Variants in PRKAR1A observed in about 807,000 individuals in gnomAD.
PRKAR1A encodes the protein protein kinase cAMP-dependent type I regulatory subunit alpha.
A neutral mutation model predicts 52.0 loss-of-function variants in PRKAR1A; 3 were observed. The observed-to-expected ratio is 0.06, with a 90% CI of 0.03 to 0.15. PRKAR1A has a LOEUF of 0.15. PRKAR1A is among the 10% of genes least tolerant of loss of function. PRKAR1A has a pLI of 1.00. For synonymous variants in PRKAR1A, 188 were observed against 168.4 expected, an observed-to-expected ratio of 1.12 and a Z score of -0.90; for missense variants, 240 against 477.4, an observed-to-expected ratio of 0.50 and a Z score of 4.63.
At chr17:68,497,036 C>G in the PRKAR1A span, among the ~76,000 whole-genome samples, 1 of 151,948 alleles carries the variant, frequency 6.6e-6, no homozygotes, top group African/African-American at 2.4e-5. Flanking sequence ...GCTGCTCAGG[C>G]TGGTCTCGAA....
At chr17:68,511,900 C>T (rs1339227725), upstream of PRKAR1A, 1 of 152,192 alleles carries the variant, frequency 6.6e-6, no homozygotes, top group African/African-American at 2.4e-5. Flanking sequence ...CGGCCCGGGG[C>T]CCTCCCTTGC....
Position 68,543,711 on chromosome 17 carries a change from C to T in PRKAR1A, c.974-7373C>T, listed in dbSNP as rs757451639. On this transcript the variant is annotated intron_variant, in intron 11 of 11. Coordinates refer to the PRKAR1A transcript ENST00000585981. ...AAGAAGTCCACTGGTGTCTCCTCAT[C>T]TCGCTGCTGTCTGGAAGGAAGGAAG... is the stretch of plus-strand genomic sequence containing the variant. 3 of 1,614,064 alleles carry T rather than the reference C, an allele frequency of 1.9e-6. 1 individual carries two copies. The highest frequency in any genetic ancestry group is 2.2e-5 in the East Asian group (1 of 44,886).
chr17:68,445,720 A>G, the PRKAR1A span, among the ~76,000 whole-genome samples: 2 of 152,246 alleles, frequency 1.3e-5, no homozygotes, highest in African/African-American at 4.8e-5. Context: ...AATATAACGC[A>G]TAGCCCAGTA....
chr17:68,499,062 G>A, the PRKAR1A span, among the ~76,000 whole-genome samples: 1 of 152,194 alleles, frequency 6.6e-6, no homozygotes, highest in East Asian at 1.9e-4. Context: ...TGCTGTGAGG[G>A]TAGGGTGTGG....
In PRKAR1A at chr17:68,530,710, C is replaced by CCTGG. The variant is rs2085952004; in HGVS notation, c.*262_*265dup. On this transcript the variant is annotated 3_prime_UTR_variant, in exon 11 of 11. Transcript: ENST00000589228. Reference sequence around the variant, plus strand: ...CTCTTTGTGCAGTGTTAGTATTCACCCTGGGCAGTGAGTGCCATGCTTTTT... The same window carrying CCTGG: ...CTCTTTGTGCAGTGTTAGTATTCACCCTGGCTGGGCAGTGAGTGCCATGCTTTTT... The CCTGG allele has an allele frequency of 7.3e-7, 1 of 1,373,844 alleles. No homozygotes were observed. Among genetic ancestry groups the CCTGG allele is most frequent in the Non-Finnish European group, 9.4e-7 (1 of 1,060,300 alleles). 85.1% of individuals were successfully genotyped at this position (1,373,844 alleles called of 1,614,324 possible). A position where few individuals can be genotyped will look rare whatever the true frequency, so the allele number is the denominator to read the frequency against.
intron 2 of PRKAR1A, among the ~76,000 whole-genome samples, chr17:68,518,920 G>A (rs1386120734): frequency 6.6e-6 from 1 of 152,138 alleles, no homozygotes; most frequent in Non-Finnish European, 1.5e-5. Flanking sequence ...AGATTTCTAG[G>A]GCAGGGCCAA....
chr17:68,436,670 G>T, the PRKAR1A span, among the ~76,000 whole-genome samples: 1 of 152,186 alleles, frequency 6.6e-6, no homozygotes, highest in Non-Finnish European at 1.5e-5. Context: ...CACAGGGGAA[G>T]ACCTCCTGAT....
upstream of PRKAR1A, among the ~76,000 whole-genome samples, chr17:68,510,159 C>CAGAGAGAGAGAGAGAGGAG (rs373514373): frequency 7.1e-5 from 9 of 127,516 alleles, no homozygotes; most frequent in African/African-American, 2.6e-4. Context: ...TATATGTAGA[C>CAGAGAGAGAGAGAGAGGAG]AGAGAGAGAG....
the PRKAR1A span, among the ~76,000 whole-genome samples, chr17:68,495,090 G>T: frequency 6.6e-6 from 1 of 151,948 alleles, no homozygotes; most frequent in Non-Finnish European, 1.5e-5. Context: ...TCCCAGACTC[G>T]AGTGTAGAAT....
downstream of PRKAR1A, chr17:68,536,612 G>T (rs147481177): frequency 1.3e-5 from 6 of 452,534 alleles, no homozygotes; most frequent in South Asian, 7.8e-5. Flanking sequence ...CAATCCTGGG[G>T]TCTTAGGGAA....
the PRKAR1A span, among the ~76,000 whole-genome samples, chr17:68,471,390 A>G: frequency 6.6e-6 from 1 of 152,168 alleles, no homozygotes; most frequent in Non-Finnish European, 1.5e-5. Flanking sequence ...GTAGAGGGAC[A>G]AGCAGGAGGC....
At chr17:68,433,502 C>CTGGAGG in the PRKAR1A span, 1 of 1,613,796 alleles carries the variant, frequency 6.2e-7, no homozygotes, top group African/African-American at 1.3e-5. Flanking sequence ...AAGATGTGTA[C>CTGGAGG]CGTCTCGGTG....
Position 68,530,536 on chromosome 17 carries a change from C to T in PRKAR1A, c.*87C>T. 2.5e-6 allele frequency: 4 copies of T among 1,610,054 alleles called. No individual in the cohort carries two copies. Among genetic ancestry groups the T allele is most frequent in the Non-Finnish European group, 3.4e-6 (4 of 1,178,562 alleles). ...GCTTTATTTTCCCTACTTGCAGCGC[C>T]AAGTGGCCACTGGCATCGCAGCTTC... On this transcript the variant is annotated 3_prime_UTR_variant, in exon 11 of 11. Transcript: ENST00000589228.
At chr17:68,418,483 A>G in the PRKAR1A span, among the ~76,000 whole-genome samples, 1 of 152,334 alleles carries the variant, frequency 6.6e-6, no homozygotes, top group African/African-American at 2.4e-5. Flanking sequence ...CTTGACTCTC[A>G]GCCACAGGTG....
chr17:68,536,590 A>T, downstream of PRKAR1A: 1 of 453,570 alleles, frequency 2.2e-6, no homozygotes, highest in Middle Eastern at 6.9e-4. Context: ...TCTTTTGGGG[A>T]TGGGCCGGGG....
chr17:68,456,959 C>T, the PRKAR1A span, among the ~76,000 whole-genome samples: 1 of 152,062 alleles, frequency 6.6e-6, no homozygotes, highest in African/African-American at 2.4e-5. Context: ...CTTGCAACTT[C>T]CTCTCCTTTC....
At chr17:68,428,678 G>A in the PRKAR1A span, 1 of 622,160 alleles carries the variant, frequency 1.6e-6, no homozygotes, top group East Asian at 2.8e-5. Context: ...AGAGCCCGGT[G>A]CAGAGCACTT....
downstream of PRKAR1A, chr17:68,537,493 G>T: frequency 6.2e-7 from 1 of 1,613,988 alleles, no homozygotes. The surrounding 1 kb of genome is among the most constrained non-coding windows in gnomAD (Gnocchi z 4.2). Flanking sequence ...TGTCAAGTTA[G>T]CCTGGCCAGA....
chr17:68,427,439 C>T, the PRKAR1A span: 2 of 425,714 alleles, frequency 4.7e-6, no homozygotes, highest in Non-Finnish European at 8.5e-6. Flanking sequence ...TCACTGCAAC[C>T]TCCGCCTCCT....
Sources: allele counts gnomAD v4.1 joint callset (sites outside exome capture counted in the v4.1 genomes callset), GRCh38; gene constraint gnomAD v4.1.1; non-coding constraint Gnocchi (gnomAD v3.1); transcripts MANE v1.5; gene names NCBI Gene and HGNC (gene_info 2026-07-23, HGNC 2026-07-21).